The following SMIM7 variants were observed in gnomAD, a reference collection of about 807,000 sequenced individuals.
The protein encoded by SMIM7 is UPF0608 protein C19orf42.
A neutral mutation model predicts 13.3 loss-of-function variants in SMIM7; 12 were observed. That is an observed-to-expected ratio of 0.90 (90% confidence interval 0.58 to 1.46). The LOEUF (loss-of-function observed/expected upper bound fraction) is 1.46, where lower values mean the gene tolerates loss of function less well. Ranked by LOEUF, SMIM7 falls within the 40% of genes most tolerant of loss-of-function variation. SMIM7 has a pLI of 0.00. For missense variants in SMIM7, 114 were observed against 94.8 expected, an observed-to-expected ratio of 1.20 and a Z score of -0.84; for synonymous variants, 36 against 35.8, an observed-to-expected ratio of 1.01 and a Z score of -0.02.
At chr19:16,635,987 C>T (rs1281620310) in intron 4 of SMIM7, among the ~76,000 whole-genome samples, 1 of 151,132 alleles carries the variant, frequency 6.6e-6, no homozygotes, top group African/African-American at 2.4e-5. Context: ...TAAATGTCCC[C>T]ATCCCAATCC....
At chr19:16,654,549 CT>C (rs1016640050) in intron 3 of SMIM7, among the ~76,000 whole-genome samples, 24 of 152,038 alleles carry the variant, frequency 1.6e-4, no homozygotes, top group Non-Finnish European at 3.5e-4. Flanking sequence ...ATAGTTTTTA[CT>C]TTTTTTTAAA....
chr19:16,650,001 G>A (rs763952392), intron 4 of SMIM7, among the ~76,000 whole-genome samples: 4 of 152,118 alleles, frequency 2.6e-5, no homozygotes, highest in East Asian at 1.9e-4. Flanking sequence ...CAATGGGGAC[G>A]CGGTTTCTTT....
At chr19:16,644,453 G>A (rs542783378), downstream of SMIM7, among the ~76,000 whole-genome samples, 53 of 138,714 alleles carry the variant, frequency 3.8e-4, no homozygotes, top group African/African-American at 1.3e-3. Context: ...TTTTTTTTCC[G>A]AGACAGAAGA....
At chr19:16,641,824 G>A (rs2086406340), downstream of SMIM7, among the ~76,000 whole-genome samples, 2 of 152,070 alleles carry the variant, frequency 1.3e-5, no homozygotes, top group Admixed American at 6.6e-5. Flanking sequence ...ATAAGGGATC[G>A]CCTGGCTCAG....
chr19:16,655,680 CAAAAAAAAAAAAAAA>C (rs869256040), intron 3 of SMIM7, among the ~76,000 whole-genome samples: 3 of 38,516 alleles, frequency 7.8e-5, no homozygotes, highest in African/African-American at 2.8e-4. Flanking sequence ...GACTCCATCT[CAAAAAAAAAAAAAAA>C]AAAAAAAAAA....
intron 4 of SMIM7, 89 bp from the exon 5 acceptor site, chr19:16,647,350 C>A (rs529745169): frequency 4.1e-6 from 6 of 1,456,180 alleles, no homozygotes; most frequent in Middle Eastern, 3.5e-4. Context: ...ATGACTATTA[C>A]CTATTACTTA....
intron 4 of SMIM7, chr19:16,652,699 G>A: frequency 1.1e-5 from 16 of 1,424,308 alleles, no homozygotes; most frequent in Admixed American, 8.8e-5. Flanking sequence ...AAGCATCTTC[G>A]CAAACAGCCA....
chr19:16,639,584 C>G (rs2086390463), intron 4 of SMIM7, among the ~76,000 whole-genome samples: 1 of 152,188 alleles, frequency 6.6e-6, no homozygotes, highest in South Asian at 2.1e-4. Context: ...GATATACAAA[C>G]TAATGAGCAC....
At chr19:16,642,902 C>A (rs1483994066), downstream of SMIM7, among the ~76,000 whole-genome samples, 3 of 150,638 alleles carry the variant, frequency 2.0e-5, no homozygotes, top group Admixed American at 6.6e-5. Context: ...TGGCTCACTG[C>A]GACCTCCACC....
chr19:16,648,363 A>T (rs924415632), intron 4 of SMIM7, among the ~76,000 whole-genome samples: 4 of 151,916 alleles, frequency 2.6e-5, no homozygotes. Context: ...CCGGTCTCAA[A>T]CTCCTGACCT....
At chr19:16,631,797 T>G (rs2086323294) in intron 4 of SMIM7, 1 of 151,920 alleles carries the variant, frequency 6.6e-6, no homozygotes, top group African/African-American at 2.4e-5. Flanking sequence ...CTCCAGGGAT[T>G]AACAGAAAAA....
At chr19:16,655,594 T>G (rs1442435579) in intron 3 of SMIM7, among the ~76,000 whole-genome samples, 1 of 143,248 alleles carries the variant, frequency 7.0e-6, no homozygotes, top group Non-Finnish European at 1.5e-5. Context: ...GGCAGGAGAA[T>G]CACTTGAACC....
intron 3 of SMIM7, among the ~76,000 whole-genome samples, chr19:16,655,793 C>G (rs2086590428): frequency 2.0e-5 from 3 of 151,282 alleles, no homozygotes. Flanking sequence ...ATACACAACA[C>G]AAGCCCAGAA....
At chr19:16,657,131 C>T (rs1273363354) in intron 3 of SMIM7, among the ~76,000 whole-genome samples, 2 of 152,072 alleles carry the variant, frequency 1.3e-5, no homozygotes, top group Non-Finnish European at 2.9e-5. Context: ...CTGCCTGGCA[C>T]GCATGACGCT....
intron 4 of SMIM7, among the ~76,000 whole-genome samples, chr19:16,639,236 C>A (rs1417588835): frequency 6.6e-6 from 1 of 151,612 alleles, no homozygotes; most frequent in Non-Finnish European, 1.5e-5. Context: ...CATTCTCCTG[C>A]CTCAGCCTCC....
Position 16,659,928 on chromosome 19 carries a change from T to A in SMIM7, c.68+31A>T, listed in dbSNP as rs746148694. On this transcript the variant is annotated intron_variant, in intron 2 of 4. Coordinates refer to ENST00000487416, the MANE Select transcript of SMIM7 (RefSeq NM_024104.4). The stretch of plus-strand genomic sequence containing the variant: ...AGGGCGGGGCTACGGGTTCCCCGGA[T>A]GGAGCCGCAGTCCGGCCGCGACCTA... The A allele has an allele frequency of 5.6e-6, 9 of 1,599,448 alleles. No individual in the cohort carries two copies. The African/African-American group carries it at 9.4e-5, about 17-fold the overall frequency.
chr19:16,643,541 C>T (rs2086420477), downstream of SMIM7, among the ~76,000 whole-genome samples: 2 of 152,142 alleles, frequency 1.3e-5, no homozygotes, highest in African/African-American at 4.8e-5. Context: ...GGACTACAGG[C>T]ATGTGCCACT....
At chr19:16,658,862 T>G (rs192782896) in intron 3 of SMIM7, among the ~76,000 whole-genome samples, 78 of 151,962 alleles carry the variant, frequency 5.1e-4, no homozygotes, top group African/African-American at 1.9e-3. Flanking sequence ...ACAGCAAACA[T>G]AACAGAACAT....
rs761021319 is a variant in SMIM7 at position 16,659,377 on chromosome 19, G to C, written c.121+18C>G. On this transcript the variant is annotated intron_variant, in intron 3 of 4. Coordinates refer to ENST00000487416, the MANE Select transcript of SMIM7 (RefSeq NM_024104.4). ...TCTGAAGTGGACCATGCAATTCCAG[G>C]ATCCAATTAGACCTTACCTGTGCTG... The C allele has an allele frequency of 3.1e-6, 5 of 1,612,956 alleles. No homozygotes were observed. In the South Asian group the frequency reaches 5.5e-5, roughly 18 times the overall value.
Sources: gnomAD v4.1 joint callset for allele counts (sites outside exome capture counted in the v4.1 genomes callset) on GRCh38, gnomAD v4.1.1 for gene constraint, MANE v1.5 for transcripts, NCBI Gene and HGNC (gene_info 2026-07-23, HGNC 2026-07-21) for gene names.